Variants in IGSF23 observed in about 807,000 individuals in gnomAD.
IGSF23 encodes the protein immunoglobulin superfamily, member 23.
Under a neutral mutation model 17.8 loss-of-function variants are expected in IGSF23, and 14 were observed. The observed-to-expected ratio is 0.79, with a 90% confidence interval of 0.52 to 1.23. IGSF23 has a LOEUF of 1.23. Among genes scored for constraint, IGSF23 ranks in the 50% most tolerant of loss-of-function variants. The probability of loss-of-function intolerance (pLI) is 0.00; values close to 1 mark genes in which losing one functional copy is unlikely to be tolerated. For synonymous variants in IGSF23, 85 were observed against 92.5 expected (o/e 0.92, Z 0.46); for missense variants, 214 against 241.7 (o/e 0.89, Z 0.76).
chr19:44,618,359 G>A (rs1028690189), intron 1 of IGSF23, among the ~76,000 whole-genome samples: 1 of 152,118 alleles, frequency 6.6e-6, no homozygotes, highest in Non-Finnish European at 1.5e-5. Flanking sequence ...CAGCTACACC[G>A]TCGTGCTGGA....
chr19:44,627,690 T>C (rs1166151438), intron 3 of IGSF23, 117 bp downstream of exon 3: 6 of 1,197,780 alleles, frequency 5.0e-6, no homozygotes, highest in Admixed American at 2.6e-5. Context: ...GGGAGGGTGA[T>C]AGCGACTCCT....
At chr19:44,615,973 G>C (rs1474723804) in intron 1 of IGSF23, among the ~76,000 whole-genome samples, 2 of 152,174 alleles carry the variant, frequency 1.3e-5, no homozygotes, top group African/African-American at 4.8e-5. Context: ...CCAGTTTTTA[G>C]AAAGTGGTTT....
chr19:44,620,141 C>T (rs1031103861), intron 1 of IGSF23, among the ~76,000 whole-genome samples: 13 of 151,542 alleles, frequency 8.6e-5, no homozygotes, highest in East Asian at 4.0e-4. Context: ...TAGTGGCAGG[C>T]GCCTGTAATC....
intron 3 of IGSF23, among the ~76,000 whole-genome samples, chr19:44,631,092 CAAAAAA>C (rs34410787): frequency 7.7e-6 from 1 of 129,844 alleles, no homozygotes; most frequent in Non-Finnish European, 1.6e-5. Context: ...CATGTCTCTA[CAAAAAA>C]AAAAAAAGGA....
chr19:44,632,302 G>T, intron 3 of IGSF23: 1 of 186,142 alleles, frequency 5.4e-6, no homozygotes, highest in Admixed American at 5.9e-5. Flanking sequence ...ATTGTTCTCT[G>T]TGTCAGCCCT....
intron 3 of IGSF23, among the ~76,000 whole-genome samples, chr19:44,633,013 T>G (rs1972802694): frequency 6.6e-6 from 1 of 152,232 alleles, no homozygotes; most frequent in Non-Finnish European, 1.5e-5. Context: ...AAGCTCCGCT[T>G]TCTGAGCTGA....
chr19:44,614,111 A>C, intron 1 of IGSF23: 2 of 698,516 alleles, frequency 2.9e-6, no homozygotes, highest in Non-Finnish European at 4.5e-6. Context: ...CATGCAGCTC[A>C]GGCACCCAAC....
At chr19:44,617,489 C>T (rs927479168) in intron 1 of IGSF23, among the ~76,000 whole-genome samples, 5 of 152,044 alleles carry the variant, frequency 3.3e-5, no homozygotes, top group Non-Finnish European at 7.4e-5. Context: ...TTAGCCATTC[C>T]ACAATGTATA....
At position 44,623,828 on chromosome 19, in the gene IGSF23, T is replaced by G. The variant is rs1475791938; in HGVS notation, c.247T>G (p.Trp83Gly). The G allele has an allele frequency of 6.4e-7, 1 of 1,550,950 alleles. No homozygotes were observed. Among genetic ancestry groups the G allele is most frequent in the Admixed American group, 2.0e-5 (1 of 51,004 alleles). ...VTMDPEPVLSWTFSGVPCGMG... is the reference protein window; with the variant it reads ...VTMDPEPVLSGTFSGVPCGMG... ...AATGGACCCTGAGCCTGTGCTGAGC[T>G]GGACCTTCAGTGGGGTGCCCTGTGG... The change falls in exon 2 of 5, where the codon TGG becomes GGG. Residue 83 changes from tryptophan to glycine, a missense_variant. Coordinates refer to ENST00000402988, the MANE Select transcript of IGSF23 (RefSeq NM_001205280.2).
chr19:44,619,653 T>C (rs1456686715), intron 1 of IGSF23, among the ~76,000 whole-genome samples: 2 of 152,212 alleles, frequency 1.3e-5, no homozygotes, highest in African/African-American at 2.4e-5. Flanking sequence ...CTGAGGCCTC[T>C]CTTTTTTGAC....
intron 1 of IGSF23, among the ~76,000 whole-genome samples, chr19:44,616,452 C>T (rs937429108): frequency 6.6e-6 from 1 of 151,940 alleles, no homozygotes; most frequent in Non-Finnish European, 1.5e-5. Context: ...AATCCCAGCA[C>T]TTTGGGAGGC....
At chr19:44,619,292 G>T (rs928919447) in intron 1 of IGSF23, among the ~76,000 whole-genome samples, 1 of 152,170 alleles carries the variant, frequency 6.6e-6, no homozygotes, top group Non-Finnish European at 1.5e-5. Flanking sequence ...ACTGGGGATC[G>T]CATTTCAACA....
At chr19:44,631,965 T>C (rs992105597) in intron 3 of IGSF23, among the ~76,000 whole-genome samples, 3 of 152,200 alleles carry the variant, frequency 2.0e-5, no homozygotes, top group African/African-American at 7.2e-5. Flanking sequence ...CGGGGCCAGT[T>C]TATGGCCAGG....
chr19:44,619,688 T>C (rs553755967), intron 1 of IGSF23, among the ~76,000 whole-genome samples: 5 of 152,328 alleles, frequency 3.3e-5, no homozygotes, highest in African/African-American at 1.2e-4. Context: ...CTTCTCATTC[T>C]GTCCTTGCAT....
In IGSF23 at chr19:44,624,054, T is replaced by C. The variant is rs1250667596; in HGVS notation, c.391+82T>C. On this transcript the variant is annotated intron_variant, in intron 2 of 4. Coordinates refer to ENST00000402988, the MANE Select transcript of IGSF23 (RefSeq NM_001205280.2). ...GCCTGTGGCAGCCTCTATGATTCCA[T>C]TAAGCCACCTACTATGAGCAGTCCC... 4 of 1,237,686 alleles carry C rather than the reference T, an allele frequency of 3.2e-6. No homozygotes were observed. In the East Asian group the frequency reaches 1.0e-4, roughly 32 times the overall value. The allele number at this position is 1,237,686 out of a possible 1,614,324, so 76.7% of individuals were successfully genotyped here.
Position 44,613,674 on chromosome 19 carries a change from C to T in IGSF23, c.29C>T (p.Pro10Leu), listed in dbSNP as rs1412877764. 2 of 1,550,136 alleles carry T rather than the reference C, an allele frequency of 1.3e-6. No homozygotes were observed. The highest frequency in any genetic ancestry group is 1.7e-6 in the Non-Finnish European group (2 of 1,146,664). MRAKPQSPLPRNPVPAWSPP... is the reference protein window; with the variant it reads MRAKPQSPLLRNPVPAWSPP... ...AGAGCAAAACCTCAGAGCCCCCTTC[C>T]CAGGAACCCTGTCCCAGCCTGGTCC... Residue 10 changes from proline (P) to leucine (L), a missense_variant, in exon 1 of 5, where the codon CCC becomes CTC. Transcript: ENST00000402988.
intron 4 of IGSF23, among the ~76,000 whole-genome samples, chr19:44,635,938 G>A (rs2123731263): frequency 6.6e-6 from 1 of 152,240 alleles, no homozygotes; most frequent in Non-Finnish European, 1.5e-5. Flanking sequence ...GGTAGTTCTG[G>A]TCTCTGCCAG....
intron 3 of IGSF23, among the ~76,000 whole-genome samples, chr19:44,630,778 T>C (rs1276005643): frequency 1.3e-5 from 2 of 152,168 alleles, no homozygotes; most frequent in Non-Finnish European, 2.9e-5. Flanking sequence ...AAGAAGTGTA[T>C]ATGGGCTAGG....
At position 44,635,348 on chromosome 19, in the gene IGSF23, T is replaced by TTC. The variant is rs138387848; in HGVS notation, c.546-27_546-26dup. On this transcript the variant is annotated intron_variant, in intron 3 of 4. Coordinates refer to ENST00000402988, the MANE Select transcript of IGSF23 (RefSeq NM_001205280.2). ...ATAATAATTCAGTCGATGATTCTTA[T>TTC]TCTCTCTCTCTCTCTCTCTCTCTCT... The TTC allele has an allele frequency of 7.6e-3, 7,411 of 973,374 alleles. 7 individuals carry two copies. Among genetic ancestry groups the TTC allele is most frequent in the African/African-American group, 0.028 (1,109 of 40,234 alleles). The allele number at this position is 973,374 out of a possible 1,614,324, so 60.3% of individuals were successfully genotyped here. A position where few individuals can be genotyped will look rare whatever the true frequency, so the allele number is the denominator to read the frequency against.
Sources: allele counts gnomAD v4.1 joint callset (sites outside exome capture counted in the v4.1 genomes callset), GRCh38; gene constraint gnomAD v4.1.1; transcripts MANE v1.5; gene names NCBI Gene and HGNC (gene_info 2026-07-23, HGNC 2026-07-21).